NHSL1: variants seen among roughly 807,000 people sequenced by gnomAD.
NHSL1 encodes the protein NHS-like protein 1.
NHSL1 carries 48 observed loss-of-function variants against 95.0 expected under a neutral mutation model. The observed-to-expected ratio is 0.51, with a 90% CI of 0.40 to 0.64. The LOEUF is 0.64. Among genes scored for constraint, NHSL1 ranks in the 30% least tolerant of loss-of-function variants. The pLI, the probability that NHSL1 is intolerant of heterozygous loss-of-function variation, is 0.00. For synonymous variants in NHSL1, 783 were observed against 833.9 expected (o/e 0.94, Z 1.05); for missense variants, 1,971 against 2,077.7 (o/e 0.95, Z 1.00).
chr6:138,564,473 C>T (rs1783531611), intron 1 of NHSL1, among the ~76,000 whole-genome samples: 1 of 152,164 alleles, frequency 6.6e-6, no homozygotes, highest in Non-Finnish European at 1.5e-5. Flanking sequence ...CAAGACCAAC[C>T]TGGCCAACAT....
chr6:138,582,931 C>A (rs1784083236), intron 1 of NHSL1, among the ~76,000 whole-genome samples: 1 of 152,198 alleles, frequency 6.6e-6, no homozygotes, highest in Non-Finnish European at 1.5e-5. Flanking sequence ...CAAACTCCTG[C>A]AAAACCCAAT....
intron 1 of NHSL1, among the ~76,000 whole-genome samples, chr6:138,662,144 A>AG (rs1785236012): frequency 1.5e-5 from 2 of 135,646 alleles, no homozygotes; most frequent in African/African-American, 5.3e-5. Flanking sequence ...GCTTTTTTTC[A>AG]GAAAAAAAAA....
At position 138,599,908 on chromosome 6, in the gene NHSL1, G is replaced by A. The variant is rs187195962; in HGVS notation, c.96+92568C>T. ...TGTAATCCCAGCACTTTGAGAGGCC[G>A]AGGCGGGTGGATCACCTGAGGTCAG... On this transcript the variant is annotated intron_variant, in intron 1 of 3. Transcript: ENST00000491526. Among the ~76,000 whole-genome samples the A allele has an allele frequency of 2.1e-3, 325 of 151,942 alleles. 3 individuals carry two copies. The highest frequency in any genetic ancestry group is 0.013 in the East Asian group (68 of 5,154).
rs192080736 is a variant in NHSL1, at chr6:138,660,119, A to G, written c.96+32357T>C. On this transcript the variant is annotated intron_variant, in intron 1 of 3. Coordinates refer to the NHSL1 transcript ENST00000491526. Reference sequence around the variant, plus strand: ...GCTGATTCAAAACACTGCATCTCTGAAGACCCATGAGCTCCAGTGGCTTAA... The same window carrying G: ...GCTGATTCAAAACACTGCATCTCTGGAGACCCATGAGCTCCAGTGGCTTAA... Among the ~76,000 whole-genome samples the G allele has an allele frequency of 5.3e-3, 809 of 152,344 alleles. 2 individuals carry two copies. Among genetic ancestry groups the G allele is most frequent in the Non-Finnish European group, 8.4e-3 (569 of 68,034 alleles).
chr6:138,584,657 C>G (rs1226816756), intron 1 of NHSL1, among the ~76,000 whole-genome samples: 2 of 152,212 alleles, frequency 1.3e-5, no homozygotes, highest in African/African-American at 4.8e-5. Context: ...GGTTGAAACA[C>G]TTGTTCCCCA....
At chr6:138,454,878 T>G (rs1777480070) in intron 3 of NHSL1, among the ~76,000 whole-genome samples, 1 of 152,254 alleles carries the variant, frequency 6.6e-6, no homozygotes, top group Non-Finnish European at 1.5e-5. Flanking sequence ...CCCTGGCGCC[T>G]GAGCCTTTCC....
chr6:138,474,768 T>C (rs1778961978), intron 2 of NHSL1, among the ~76,000 whole-genome samples: 1 of 152,216 alleles, frequency 6.6e-6, no homozygotes, highest in Non-Finnish European at 1.5e-5. Flanking sequence ...AATGAGAATT[T>C]ACTCATATTA....
intron 1 of NHSL1, among the ~76,000 whole-genome samples, chr6:138,619,545 C>T (rs1169555145): frequency 2.0e-5 from 3 of 152,142 alleles, no homozygotes; most frequent in African/African-American, 7.2e-5. Context: ...ATTAAAGAAC[C>T]TGCTAAAGAT....
At chr6:138,658,158 A>G (rs1369839790) in intron 1 of NHSL1, among the ~76,000 whole-genome samples, 1 of 152,108 alleles carries the variant, frequency 6.6e-6, no homozygotes, top group Non-Finnish European at 1.5e-5. Context: ...AGCTTTACTG[A>G]GGTATAATTG....
intron 3 of NHSL1, among the ~76,000 whole-genome samples, chr6:138,457,172 T>C (rs1272730840): frequency 1.3e-5 from 2 of 152,204 alleles, no homozygotes; most frequent in East Asian, 1.9e-4. Flanking sequence ...CACACTACCA[T>C]GCCTGGCTTA....
At chr6:138,557,571 C>A (rs1337822026) in intron 1 of NHSL1, among the ~76,000 whole-genome samples, 2 of 152,200 alleles carry the variant, frequency 1.3e-5, no homozygotes, top group African/African-American at 4.8e-5. Context: ...CATTTCATGC[C>A]AAAGCAAAGA....
chr6:138,610,325 G>A (rs968966264), intron 1 of NHSL1, among the ~76,000 whole-genome samples: 5 of 151,958 alleles, frequency 3.3e-5, no homozygotes, highest in African/African-American at 1.2e-4. Flanking sequence ...TCACTCATAG[G>A]TGGGAATTGA....
intron 1 of NHSL1, among the ~76,000 whole-genome samples, chr6:138,590,783 C>T (rs1049835969): frequency 6.6e-6 from 1 of 152,214 alleles, no homozygotes; most frequent in African/African-American, 2.4e-5. Context: ...TGTCAGACCA[C>T]TGACACCTCA....
upstream of NHSL1, among the ~76,000 whole-genome samples, chr6:138,501,610 TCCATCCC>T (rs2128291947): frequency 6.6e-6 from 1 of 152,306 alleles, no homozygotes; most frequent in Admixed American, 6.5e-5. Flanking sequence ...GAGACACATT[TCCATCCC>T]CCAGGACTAG....
upstream of NHSL1, among the ~76,000 whole-genome samples, chr6:138,574,843 C>A (rs925729744): frequency 6.6e-6 from 1 of 151,914 alleles, no homozygotes; most frequent in South Asian, 2.1e-4. Context: ...TAGAGTGAGA[C>A]CCTATCTCAA....
chr6:138,437,345 C>CAAAT (rs1554222016), intron 5 of NHSL1, among the ~76,000 whole-genome samples: 1 of 96,426 alleles, frequency 1.0e-5, no homozygotes, highest in Non-Finnish European at 1.9e-5. Flanking sequence ...TATATATACA[C>CAAAT]ATATATATAT....
rs1272246593 is a variant in NHSL1 at position 138,423,337 on chromosome 6, T to C, written c.*744A>G. 6.6e-6 allele frequency: 1 copy of C among 152,084 alleles called. No homozygotes were observed. Among genetic ancestry groups the C allele is most frequent in the African/African-American group, 2.4e-5 (1 of 41,414 alleles). 9.4% of individuals were successfully genotyped at this position (152,084 alleles called of 1,614,324 possible). A position where few individuals can be genotyped will look rare whatever the true frequency, so the allele number is the denominator to read the frequency against. On this transcript the variant is annotated 3_prime_UTR_variant, in exon 8 of 8. Transcript: ENST00000343505. ...AATTCATTAAAAAATTACCCACACT[T>C]CTAAAAATCAGGCTACAATTGTGTG...
At position 138,499,442 on chromosome 6, in the gene NHSL1, T is replaced by C. The variant is rs1780555199; in HGVS notation, c.-152A>G. On this transcript the variant is annotated 5_prime_UTR_variant, in exon 1 of 8. Coordinates refer to ENST00000343505, the MANE Select transcript of NHSL1 (RefSeq NM_001144060.2). ...AGACATCTGCCCAGGCTGATGTAAC[T>C]GAGGTTGAGTTTATTGTCAGGCAGT... 1 of 1,413,168 alleles carries C rather than the reference T, an allele frequency of 7.1e-7. No homozygotes were observed. Among genetic ancestry groups the C allele is most frequent in the East Asian group, 2.7e-5 (1 of 37,560 alleles). The allele number at this position is 1,413,168 out of a possible 1,614,324, so 87.5% of individuals were successfully genotyped here. A position where few individuals can be genotyped will look rare whatever the true frequency, so the allele number is the denominator to read the frequency against.
At chr6:138,596,890 TCAAG>T (rs1261785512) in intron 1 of NHSL1, among the ~76,000 whole-genome samples, 1 of 152,058 alleles carries the variant, frequency 6.6e-6, no homozygotes, top group Non-Finnish European at 1.5e-5. Context: ...AAAAACTCTC[TCAAG>T]CAGAGTTTGA....
Sources: gnomAD v4.1 joint callset for allele counts (sites outside exome capture counted in the v4.1 genomes callset) on GRCh38, gnomAD v4.1.1 for gene constraint, MANE v1.5 for transcripts, NCBI Gene and HGNC (gene_info 2026-07-23, HGNC 2026-07-21) for gene names.